The following MXRA7 variants were observed in gnomAD, a reference collection of about 807,000 sequenced individuals.
The protein encoded by MXRA7 is matrix-remodeling-associated protein 7.
MXRA7 carries 18 observed loss-of-function variants against 17.4 expected under a neutral mutation model. The ratio of observed to expected loss-of-function variants is 1.03; its 90% CI spans 0.71 to 1.53. The LOEUF (loss-of-function observed/expected upper bound fraction) is 1.53. Among genes scored for constraint, MXRA7 ranks in the 40% most tolerant of loss-of-function variants. The pLI is 0.00. For synonymous variants in MXRA7, 70 were observed against 101.7 expected (o/e 0.69, Z 1.87); for missense variants, 141 against 209.3 (o/e 0.67, Z 2.01).
In MXRA7 at chr17:76,688,180, C is replaced by A. The variant is rs768326746; in HGVS notation, c.343-4G>T. On this transcript the variant is annotated splice_region_variant and splice_polypyrimidine_tract_variant and intron_variant, in intron 1 of 3. Coordinates refer to ENST00000449428, the MANE Select transcript of MXRA7 (RefSeq NM_198530.4). ...CATCCAAGTCCTGCTCCTCTTCCTG[C>A]AAGACAAGGACAGGGTCAGTGCCCT... 1 of 1,614,030 alleles carries A rather than the reference C, an allele frequency of 6.2e-7. No homozygotes were observed. Among genetic ancestry groups the A allele is most frequent in the African/African-American group, 1.3e-5 (1 of 74,932 alleles).
intron 1 of MXRA7, among the ~76,000 whole-genome samples, chr17:76,705,712 G>A (rs1187532804): frequency 6.6e-6 from 1 of 152,190 alleles, no homozygotes; most frequent in African/African-American, 2.4e-5. Context: ...AGTACAGCAA[G>A]AAGGTGGCTG....
chr17:76,707,345 C>T (rs2076674294), intron 1 of MXRA7, among the ~76,000 whole-genome samples: 1 of 128,822 alleles, frequency 7.8e-6, no homozygotes, highest in Admixed American at 9.1e-5. Context: ...CGTTCTGTTG[C>T]CCAGGCTGAA....
At position 76,710,884 on chromosome 17, in the gene MXRA7, C is replaced by T; in HGVS notation, c.63G>A (p.Leu21=). 1.0e-6 allele frequency: 1 copy of T among 996,476 alleles called. No individual in the cohort carries two copies. Among genetic ancestry groups the T allele is most frequent in the East Asian group, 1.1e-4 (1 of 9,166 alleles). 61.7% of individuals were successfully genotyped at this position (996,476 alleles called of 1,614,324 possible). Reference sequence around the variant, plus strand: ...CACGCCGCACCAGTAGCCAGGCGAGCAGAAGGGCCAGCGCGGTGGCCAGCG... The same window carrying T: ...CACGCCGCACCAGTAGCCAGGCGAGTAGAAGGGCCAGCGCGGTGGCCAGCG... ...LPALATALAL[L]LAWLLVRRGA... The change falls in exon 1 of 4, where the codon CTG becomes CTA. Residue 21 remains leucine, a synonymous_variant. Transcript: ENST00000449428.
intron 1 of MXRA7, among the ~76,000 whole-genome samples, chr17:76,701,015 G>A (rs900386336): frequency 5.3e-5 from 8 of 152,118 alleles, no homozygotes; most frequent in Admixed American, 4.6e-4. Context: ...AGCAGATGCC[G>A]AGTAGGCAGG....
chr17:76,680,865 C>T lies in MXRA7; in HGVS notation c.*2G>A, dbSNP rs561766378. The T allele has an allele frequency of 1.4e-5, 23 of 1,608,984 alleles. No individual in the cohort carries two copies. The highest frequency in any genetic ancestry group is 5.5e-5 in the South Asian group (5 of 90,272). ...TTTAGGAGGACGCTAAGGATAACTT[C>T]GTTATTCTTCAGTTCTGTAAAGAGA... is the stretch of plus-strand genomic sequence containing the variant. On this transcript the variant is annotated 3_prime_UTR_variant, in exon 4 of 4. Transcript: ENST00000449428.
intron 1 of MXRA7, among the ~76,000 whole-genome samples, chr17:76,705,041 C>T (rs77385193): frequency 0.022 from 3,292 of 152,160 alleles, 117 homozygotes; most frequent in East Asian, 0.14. Flanking sequence ...TGGGAAAGAG[C>T]GGGGCTACAA....
chr17:76,680,345 C>T lies in MXRA7; in HGVS notation c.*522G>A. ...TCTCACCCCCGACAACCAAGCCAGCCACAGAGAGAAGTGGGGTTCCCAGGG... is the reference window on the plus strand; with the variant it reads ...TCTCACCCCCGACAACCAAGCCAGCTACAGAGAGAAGTGGGGTTCCCAGGG... On this transcript the variant is annotated 3_prime_UTR_variant, in exon 4 of 4. Coordinates refer to ENST00000449428, the MANE Select transcript of MXRA7 (RefSeq NM_198530.4). 2 of 985,542 alleles carry T rather than the reference C, an allele frequency of 2.0e-6. No individual in the cohort carries two copies. The highest frequency in any genetic ancestry group is 2.4e-6 in the Non-Finnish European group (2 of 830,080). 61.0% of individuals were successfully genotyped at this position (985,542 alleles called of 1,614,324 possible). A position where few individuals can be genotyped will look rare whatever the true frequency, so the allele number is the denominator to read the frequency against.
intron 3 of MXRA7, among the ~76,000 whole-genome samples, chr17:76,682,552 G>C (rs1229502366): frequency 6.6e-6 from 1 of 152,096 alleles, no homozygotes; most frequent in Non-Finnish European, 1.5e-5. Context: ...TGAAGATGAA[G>C]AGCCAAAGCC....
Position 76,705,374 on chromosome 17 carries a change from G to A in MXRA7, c.342+5231C>T, listed in dbSNP as rs528733079. 3.3e-4 allele frequency among the ~76,000 whole-genome samples: 50 copies of A among 152,196 alleles called. No individual in the cohort carries two copies. The South Asian group carries it at 8.5e-3, about 26-fold the overall frequency. ...ATCTTCTATTCAGTTGCTCTATATC[G>A]TTATAGTTATTGTGAATACAATATT... On this transcript the variant is annotated intron_variant, in intron 1 of 3. Transcript: ENST00000449428.
chr17:76,685,113 G>C lies in MXRA7; in HGVS notation c.459C>G (p.Tyr153Ter). The change falls in exon 3 of 4, where the codon TAC becomes TAG. Residue 153 changes from tyrosine (Y) to a stop codon, truncating the protein, a stop_gained. Transcript: ENST00000449428. LOFTEE classifies it high-confidence loss of function. Reference protein sequence around the residue: ...YSPGKLRGNQYKKMMTKEELE... With the variant: ...YSPGKLRGNQ ...GCTCCTCTTTGGTCATCATCTTCTT[G>C]TACTGGTTTCCCCTCAGCTTCCCGG... The C allele has an allele frequency of 6.2e-7, 1 of 1,614,050 alleles. No individual in the cohort carries two copies. The highest frequency in any genetic ancestry group is 8.5e-7 in the Non-Finnish European group (1 of 1,179,988).
chr17:76,710,943 C>T lies in MXRA7; in HGVS notation c.4G>A (p.Glu2Lys). M[E>K]APAELLAALP... is the part of the protein sequence containing the mutation. ...GCGGCCAGTAGCTCGGCCGGCGCCT[C>T]CATCGCGCCGCGGCCGCCGAGTGCG... is the stretch of plus-strand genomic sequence containing the variant. Residue 2 changes from glutamate to lysine, a missense_variant, in exon 1 of 4, where the codon GAG (glutamate) becomes AAG (lysine). Physicochemically the swap from Glu to Lys is moderately conservative, Grantham distance 56 (BLOSUM62 1). Transcript: ENST00000449428. The T allele has an allele frequency of 1.0e-6, 1 of 994,960 alleles. No individual in the cohort carries two copies. The highest frequency in any genetic ancestry group is 1.2e-6 in the Non-Finnish European group (1 of 839,658). The allele number at this position is 994,960 out of a possible 1,614,324, so 61.6% of individuals were successfully genotyped here.
chr17:76,674,590 G>A (rs1246167088), downstream of MXRA7: 2 of 152,168 alleles, frequency 1.3e-5, no homozygotes. Context: ...GGACCTCATA[G>A]GAAACCCAAC....
At chr17:76,679,524 G>A, downstream of MXRA7, 18 of 870,378 alleles carry the variant, frequency 2.1e-5, no homozygotes, top group Non-Finnish European at 1.5e-5. Context: ...GGGTTCAAAA[G>A]GGATTTTGTT....
intron 1 of MXRA7, among the ~76,000 whole-genome samples, chr17:76,700,491 G>A (rs1027291682): frequency 2.0e-5 from 3 of 152,188 alleles, no homozygotes; most frequent in Non-Finnish European, 2.9e-5. Flanking sequence ...TGTGCAGGGC[G>A]CTGGGCTACA....
At chr17:76,710,194 A>G (rs2076703825) in intron 1 of MXRA7, 1 of 154,462 alleles carries the variant, frequency 6.5e-6, no homozygotes, top group South Asian at 2.1e-4. Context: ...GATAACTCTC[A>G]TGGCAGGCCT....
rs1034921551 is a variant in MXRA7, at chr17:76,702,592, G to A, written c.342+8013C>T. Among the ~76,000 whole-genome samples, 6 of 152,198 alleles carry A rather than the reference G, an allele frequency of 3.9e-5. No homozygotes were observed. The East Asian group carries it at 9.6e-4, about 24-fold the overall frequency. On this transcript the variant is annotated intron_variant, in intron 1 of 3. Transcript: ENST00000449428. Reference sequence around the variant, plus strand: ...GGGCCGGGCGCAGTGGCTTATGCCTGTAATCCCAGTACTTTGGGAGGCCAA... The same window carrying A: ...GGGCCGGGCGCAGTGGCTTATGCCTATAATCCCAGTACTTTGGGAGGCCAA...
intron 1 of MXRA7, among the ~76,000 whole-genome samples, chr17:76,700,287 A>G (rs2076575952): frequency 6.6e-6 from 1 of 152,160 alleles, no homozygotes; most frequent in Non-Finnish European, 1.5e-5. Flanking sequence ...CCAGTGTTTT[A>G]GAAAATGTTA....
chr17:76,694,464 C>T (rs965197784), intron 1 of MXRA7, among the ~76,000 whole-genome samples: 2 of 152,122 alleles, frequency 1.3e-5, no homozygotes, highest in African/African-American at 4.8e-5. Context: ...CAAACTGCAC[C>T]TCATAGAGGC....
In MXRA7 at chr17:76,686,483, C is replaced by T. The variant is rs540619524; in HGVS notation, c.407-1318G>A. On this transcript the variant is annotated intron_variant, in intron 2 of 3. Transcript: ENST00000449428. ...CAATAGAGTAAGATTCCAGTATCCCCCTACCCCCCAAAAAAAGAAAACATA... is the reference window on the plus strand; with the variant it reads ...CAATAGAGTAAGATTCCAGTATCCCTCTACCCCCCAAAAAAAGAAAACATA... Among the ~76,000 whole-genome samples the T allele has an allele frequency of 5.1e-4, 77 of 152,194 alleles. 1 individual carries two copies. The South Asian group carries it at 0.012, about 24-fold the overall frequency.
Sources: allele counts gnomAD v4.1 joint callset (sites outside exome capture counted in the v4.1 genomes callset), GRCh38; gene constraint gnomAD v4.1.1; transcripts MANE v1.5; gene names NCBI Gene and HGNC (gene_info 2026-07-23, HGNC 2026-07-21).